Variants in ARAP2 observed in about 807,000 individuals in gnomAD.
ARAP2 encodes the protein ArfGAP with RhoGAP domain, ankyrin repeat and PH domain 2.
ARAP2 carries 148 observed loss-of-function variants against 194.5 expected under a neutral mutation model. The observed-to-expected ratio is 0.76, with a 90% CI of 0.67 to 0.87. The LOEUF (loss-of-function observed/expected upper bound fraction) is 0.87. Ranked by LOEUF, ARAP2 falls within the 40% of genes least tolerant of loss-of-function variation. ARAP2 has a pLI of 0.00. For synonymous variants in ARAP2, 695 were observed against 683.5 expected (o/e 1.02, Z -0.26); for missense variants, 2,128 against 1,989.7 (o/e 1.07, Z -1.32).
At chr4:36,062,631 A>AGTGT (rs1183505441), downstream of ARAP2, among the ~76,000 whole-genome samples, 10 of 120,624 alleles carry the variant, frequency 8.3e-5, no homozygotes, top group Non-Finnish European at 1.5e-4. Flanking sequence ...AATTTGTGTG[A>AGTGT]GAGTGTGTGT....
chr4:36,019,549 T>A (rs559122743), intron 5 of ARAP2, among the ~76,000 whole-genome samples: 1 of 144,142 alleles, frequency 6.9e-6, no homozygotes, highest in Admixed American at 6.6e-5. Flanking sequence ...ACTGTAGATG[T>A]GTCTTTGTGT....
At chr4:36,105,056 C>T (rs893396321) in intron 27 of ARAP2, among the ~76,000 whole-genome samples, 6 of 151,920 alleles carry the variant, frequency 3.9e-5, no homozygotes, top group Non-Finnish European at 8.8e-5. Flanking sequence ...TGACATTTTA[C>T]TCCAAAGAAT....
rs1350204729 is a variant in ARAP2, at chr4:36,071,702, C to CT, written c.4743+1986dup. The stretch of plus-strand genomic sequence containing the variant: ...TTTGAGTTTTTTTTTAATTTTTTTT[C>CT]TTTTTTTTTTATTATACTTTAAGTT... On this transcript the variant is annotated intron_variant, in intron 32 of 32. Coordinates refer to ENST00000303965, the MANE Select transcript of ARAP2 (RefSeq NM_015230.4). Among the ~76,000 whole-genome samples, 48 of 109,040 alleles carry CT rather than the reference C, an allele frequency of 4.4e-4. 1 individual carries two copies. Among genetic ancestry groups the CT allele is most frequent in the South Asian group, 1.5e-3 (5 of 3,442 alleles). The allele number at this position is 109,040 out of a possible 152,430, so 71.5% of individuals were successfully genotyped here. A position where few individuals can be genotyped will look rare whatever the true frequency, so the allele number is the denominator to read the frequency against.
chr4:36,058,468 T>C (rs1033659073), intron 1 of ARAP2, among the ~76,000 whole-genome samples: 1 of 152,236 alleles, frequency 6.6e-6, no homozygotes, highest in African/African-American at 2.4e-5. Flanking sequence ...GTACAGATTC[T>C]TTAAATTTAT....
At chr4:36,083,070 A>G (rs971978649) in intron 29 of ARAP2, among the ~76,000 whole-genome samples, 3 of 152,094 alleles carry the variant, frequency 2.0e-5, no homozygotes, top group African/African-American at 7.2e-5. Context: ...TGAGATGCAG[A>G]GGAAGCCATG....
downstream of ARAP2, among the ~76,000 whole-genome samples, chr4:36,062,658 GTGTGTA>G (rs1397275787): frequency 4.0e-5 from 6 of 151,478 alleles, no homozygotes; most frequent in South Asian, 4.2e-4. Context: ...GTGTGTGTGT[GTGTGTA>G]TAAAACAGTT....
intron 19 of ARAP2, among the ~76,000 whole-genome samples, chr4:36,138,281 G>A (rs893373079): frequency 6.6e-6 from 1 of 151,648 alleles, no homozygotes. Context: ...TTTTGCAAAT[G>A]TGTACACTTG....
intron 31 of ARAP2, among the ~76,000 whole-genome samples, chr4:36,076,130 A>T (rs189813783): frequency 6.6e-6 from 1 of 152,172 alleles, no homozygotes. Context: ...CTGATTGCAA[A>T]TAACTTTTAT....
intron 7 of ARAP2, among the ~76,000 whole-genome samples, chr4:36,188,911 G>C (rs527391222): frequency 6.6e-6 from 1 of 152,168 alleles, no homozygotes; most frequent in African/African-American, 2.4e-5. Context: ...TATTTAAGGA[G>C]ATACACTATA....
intron 2 of ARAP2, among the ~76,000 whole-genome samples, chr4:36,219,851 C>A (rs1467454628): frequency 6.6e-6 from 1 of 152,060 alleles, no homozygotes; most frequent in East Asian, 1.9e-4. Context: ...ACCACAGGCA[C>A]AAACATGAAT....
At chr4:36,164,533 A>G (rs1479220137) in intron 11 of ARAP2, among the ~76,000 whole-genome samples, 1 of 152,226 alleles carries the variant, frequency 6.6e-6, no homozygotes, top group African/African-American at 2.4e-5. Context: ...GCTCAAAACA[A>G]CACTGAGGTG....
chr4:36,214,177 A>G (rs1426910884), intron 3 of ARAP2, among the ~76,000 whole-genome samples: 4 of 152,196 alleles, frequency 2.6e-5, no homozygotes, highest in Non-Finnish European at 5.9e-5. Context: ...CTAATGATAA[A>G]TGAAGCTTGT....
intron 2 of ARAP2, 149 bp from the exon 3 acceptor site, chr4:36,214,629 T>C: frequency 2.2e-6 from 1 of 445,834 alleles, no homozygotes; most frequent in East Asian, 4.2e-5. Flanking sequence ...TTCTTTTGGG[T>C]AGAAAAAACA....
chr4:36,172,696 A>T (rs1736922528), intron 9 of ARAP2, among the ~76,000 whole-genome samples: 1 of 152,192 alleles, frequency 6.6e-6, no homozygotes, highest in African/African-American at 2.4e-5. Flanking sequence ...GTTAACCCCA[A>T]ATCTGCTGAA....
At chr4:36,037,726 T>C (rs1281532970) in intron 5 of ARAP2, among the ~76,000 whole-genome samples, 1 of 152,146 alleles carries the variant, frequency 6.6e-6, no homozygotes, top group East Asian at 1.9e-4. Context: ...CTGTATTCTG[T>C]TCTGTGCTAA....
chr4:36,168,437 C>T (rs1735798387), intron 9 of ARAP2, among the ~76,000 whole-genome samples: 1 of 152,156 alleles, frequency 6.6e-6, no homozygotes, highest in Non-Finnish European at 1.5e-5. Flanking sequence ...ACCGCCTACA[C>T]CACCAGATTT....
At chr4:36,074,299 T>G (rs1727730684) in intron 31 of ARAP2, among the ~76,000 whole-genome samples, 2 of 152,112 alleles carry the variant, frequency 1.3e-5, no homozygotes, top group African/African-American at 4.8e-5. Flanking sequence ...AATGTTACTA[T>G]TTTATCTAAT....
chr4:36,037,239 G>C (rs887982007), intron 5 of ARAP2, among the ~76,000 whole-genome samples: 9 of 152,114 alleles, frequency 5.9e-5, no homozygotes, highest in African/African-American at 2.2e-4. Context: ...TGACATTGTG[G>C]TGTCATCATA....
chr4:36,074,630 G>T (rs559728404), intron 31 of ARAP2, among the ~76,000 whole-genome samples: 1 of 152,120 alleles, frequency 6.6e-6, no homozygotes, highest in African/African-American at 2.4e-5. Context: ...AATCTATGAC[G>T]TAAACACAGA....
Sources: gnomAD v4.1 joint callset for allele counts (sites outside exome capture counted in the v4.1 genomes callset) on GRCh38, gnomAD v4.1.1 for gene constraint, MANE v1.5 for transcripts, NCBI Gene and HGNC (gene_info 2026-07-23, HGNC 2026-07-21) for gene names.